SMG6: variants seen among roughly 807,000 people sequenced by gnomAD.
The protein encoded by SMG6 is SMG6 nonsense mediated mRNA decay factor.
Under a neutral mutation model 142.2 loss-of-function variants are expected in SMG6, and 66 were observed. That is an observed-to-expected ratio of 0.46 (90% CI 0.38 to 0.57). The LOEUF (loss-of-function observed/expected upper bound fraction) is 0.57. SMG6 is among the 20% of genes least tolerant of loss of function. SMG6 has a pLI of 0.00. For synonymous variants in SMG6, 779 were observed against 702.4 expected (o/e 1.11, Z -1.72); for missense variants, 1,793 against 1,832.0 (o/e 0.98, Z 0.39).
chr17:2,237,455 G>A (rs190466435), intron 9 of SMG6: 115 of 935,754 alleles, frequency 1.2e-4, no homozygotes, highest in Middle Eastern at 1.1e-3. Context: ...TGACTGTTCC[G>A]CCTAACGATC....
intron 10 of SMG6, among the ~76,000 whole-genome samples, chr17:2,219,254 G>A (rs542212477): frequency 1.3e-5 from 2 of 152,148 alleles, no homozygotes; most frequent in East Asian, 3.9e-4. Context: ...GCGTGGTGGC[G>A]GGCACCTGTA....
At position 2,060,115 on chromosome 17, in the gene SMG6, G is replaced by A. The variant is rs1051029387; in HGVS notation, c.*1377C>T. The stretch of plus-strand genomic sequence containing the variant: ...TGGGCCTCAGGGAGGGCAGAGCTGC[G>A]CACCCATCCTCCAGGCAGGCTGTGC... On this transcript the variant is annotated 3_prime_UTR_variant, in exon 19 of 19. Transcript: ENST00000263073. 9.2e-5 allele frequency: 14 copies of A among 152,594 alleles called. 1 individual carries two copies. The highest frequency in any genetic ancestry group is 1.9e-4 in the Non-Finnish European group (13 of 68,366). The allele number at this position is 152,594 out of a possible 1,614,324, so 9.5% of individuals were successfully genotyped here.
chr17:2,128,566 T>C (rs1210384540), intron 13 of SMG6, among the ~76,000 whole-genome samples: 3 of 152,128 alleles, frequency 2.0e-5, no homozygotes, highest in Admixed American at 2.0e-4. Flanking sequence ...TTTGTTATTC[T>C]AACAGCCTCT....
chr17:2,151,542 A>G (rs1400004438), intron 13 of SMG6, among the ~76,000 whole-genome samples: 1 of 152,226 alleles, frequency 6.6e-6, no homozygotes, highest in Non-Finnish European at 1.5e-5. Context: ...GATCTCCAGC[A>G]CTAAGGCAGG....
At chr17:2,088,183 G>C (rs1429580935) in intron 13 of SMG6, 1 of 985,276 alleles carries the variant, frequency 1.0e-6, no homozygotes, top group Non-Finnish European at 1.2e-6. Flanking sequence ...CAGACAGGCG[G>C]GCAGGAGTGT....
intron 15 of SMG6, among the ~76,000 whole-genome samples, chr17:2,074,097 G>C (rs1397976924): frequency 6.6e-6 from 1 of 152,094 alleles, no homozygotes; most frequent in Admixed American, 6.5e-5. Context: ...AAAAGAGAGA[G>C]AGAGAGTCTA....
intron 10 of SMG6, among the ~76,000 whole-genome samples, chr17:2,212,441 A>G (rs968061427): frequency 6.6e-6 from 1 of 152,160 alleles, no homozygotes; most frequent in African/African-American, 2.4e-5. Flanking sequence ...CTGCAGATCA[A>G]TCGATCAGGA....
intron 10 of SMG6, among the ~76,000 whole-genome samples, chr17:2,222,018 G>A (rs900274021): frequency 3.9e-5 from 6 of 152,112 alleles, no homozygotes; most frequent in African/African-American, 9.7e-5. Flanking sequence ...TACAGACGTC[G>A]GCCACGGCAC....
At chr17:2,077,600 G>A (rs2068296316) in intron 15 of SMG6, among the ~76,000 whole-genome samples, 1 of 152,232 alleles carries the variant, frequency 6.6e-6, no homozygotes, top group Non-Finnish European at 1.5e-5. Flanking sequence ...GTCTGCACAG[G>A]CATTTTACGT....
At chr17:2,118,314 G>C (rs1241559706) in intron 13 of SMG6, among the ~76,000 whole-genome samples, 1 of 152,204 alleles carries the variant, frequency 6.6e-6, no homozygotes, top group African/African-American at 2.4e-5. Flanking sequence ...GAGGCAGGCA[G>C]ATCACTTGAG....
At chr17:2,110,829 G>A (rs1247817994) in intron 13 of SMG6, among the ~76,000 whole-genome samples, 1 of 152,172 alleles carries the variant, frequency 6.6e-6, no homozygotes, top group Non-Finnish European at 1.5e-5. Context: ...ATCAATATCA[G>A]GAGGGTCATC....
At chr17:2,176,601 C>G (rs1394986538) in intron 12 of SMG6, among the ~76,000 whole-genome samples, 1 of 152,122 alleles carries the variant, frequency 6.6e-6, no homozygotes, top group Non-Finnish European at 1.5e-5. Context: ...CCAGAGAATA[C>G]GCAACTGTGT....
chr17:2,192,044 G>A (rs190564929), intron 10 of SMG6, among the ~76,000 whole-genome samples: 2 of 152,360 alleles, frequency 1.3e-5, no homozygotes, highest in African/African-American at 4.8e-5. Flanking sequence ...TCTCCCACCA[G>A]TATGTGTGCG....
intron 4 of SMG6, among the ~76,000 whole-genome samples, chr17:2,296,379 G>C (rs1268233343): frequency 3.3e-5 from 5 of 152,110 alleles, no homozygotes; most frequent in Admixed American, 3.3e-4. Flanking sequence ...CAATCTCCAA[G>C]AAGCCTTCCT....
chr17:2,068,792 A>G lies in SMG6; in HGVS notation c.3821T>C (p.Val1274Ala). 6.2e-7 allele frequency: 1 copy of G among 1,614,104 alleles called. No homozygotes were observed. Among genetic ancestry groups the G allele is most frequent in the Non-Finnish European group, 8.5e-7 (1 of 1,179,984 alleles). Residue 1274 changes from valine to alanine, a missense_variant, in exon 16 of 19, where the codon GTG becomes GCG. This residue lies in a region of SMG6 where 179 missense variants were observed against 212.6 expected (regional missense o/e 0.84). Transcript: ENST00000263073. This position sits in a 1 kb window ranked among gnomAD's most constrained non-coding sequence, Gnocchi z 6.7. Reference sequence around the variant, plus strand: ...GCCTGACTCACCGATGAGGGGCACCACCAGGATGTACTTCCTGCTCTCCAG... The same window carrying G: ...GCCTGACTCACCGATGAGGGGCACCGCCAGGATGTACTTCCTGCTCTCCAG... ...RLLESRKYIL[V>A]VPLIVINELD...
chr17:2,262,017 G>C (rs1244653476), intron 8 of SMG6, among the ~76,000 whole-genome samples: 1 of 152,130 alleles, frequency 6.6e-6, no homozygotes, highest in African/African-American at 2.4e-5. Context: ...AGAGATTTGT[G>C]GCACAAGTAA....
intron 13 of SMG6, among the ~76,000 whole-genome samples, chr17:2,170,101 C>T (rs551979603): frequency 2.0e-4 from 31 of 152,194 alleles, no homozygotes; most frequent in Admixed American, 1.7e-3. Context: ...ACCAGGTTGG[C>T]GGGCAGCGGG....
intron 8 of SMG6, among the ~76,000 whole-genome samples, chr17:2,272,079 T>C (rs2074552789): frequency 6.6e-6 from 1 of 152,198 alleles, no homozygotes; most frequent in Non-Finnish European, 1.5e-5. Flanking sequence ...ATCAGCCCCC[T>C]GACTACCTCC....
intron 10 of SMG6, among the ~76,000 whole-genome samples, chr17:2,227,501 T>C (rs574567971): frequency 6.6e-6 from 1 of 152,302 alleles, no homozygotes; most frequent in Non-Finnish European, 1.5e-5. Context: ...TAGGATTCCA[T>C]TTACATGAAA....
Sources: allele counts gnomAD v4.1 joint callset (sites outside exome capture counted in the v4.1 genomes callset), GRCh38; gene constraint gnomAD v4.1.1; regional missense constraint gnomAD v4.1.1; non-coding constraint Gnocchi (gnomAD v3.1); transcripts MANE v1.5; gene names NCBI Gene and HGNC (gene_info 2026-07-23, HGNC 2026-07-21).